Variants in DSCAM observed in about 807,000 individuals in gnomAD.
DSCAM encodes the protein cell adhesion molecule DSCAM.
A neutral mutation model predicts 217.7 loss-of-function variants in DSCAM; 47 were observed. The ratio of observed to expected loss-of-function variants is 0.22; its 90% CI spans 0.17 to 0.28. DSCAM has a LOEUF of 0.28. Ranked by LOEUF, DSCAM falls within the 10% of genes least tolerant of loss-of-function variation. The probability of loss-of-function intolerance (pLI) is 1.00; values close to 1 mark genes in which losing one functional copy is unlikely to be tolerated. For synonymous variants in DSCAM, 1,056 were observed against 1,015.3 expected, an observed-to-expected ratio of 1.04 and a Z score of -0.76; for missense variants, 2,080 against 2,618.3, an observed-to-expected ratio of 0.79 and a Z score of 4.49.
chr21:40,409,200 G>A (rs1230290951), intron 3 of DSCAM, among the ~76,000 whole-genome samples: 1 of 152,150 alleles, frequency 6.6e-6, no homozygotes, highest in Non-Finnish European at 1.5e-5. Context: ...GCATTAAAAA[G>A]TTCCATTAGA....
intron 4 of DSCAM, among the ~76,000 whole-genome samples, chr21:40,359,855 T>C (rs896377962): frequency 2.6e-5 from 4 of 152,130 alleles, no homozygotes; most frequent in Non-Finnish European, 5.9e-5. Context: ...TATTCTAAAA[T>C]TAAATTGGCG....
intron 1 of DSCAM, among the ~76,000 whole-genome samples, chr21:40,754,745 C>G (rs1038584843): frequency 6.6e-6 from 1 of 152,226 alleles, no homozygotes; most frequent in Admixed American, 6.5e-5. Flanking sequence ...CAGGCACCAA[C>G]AGCACCTGCA....
chr21:40,448,662 C>T (rs184819383), intron 3 of DSCAM, among the ~76,000 whole-genome samples: 2 of 152,172 alleles, frequency 1.3e-5, no homozygotes, highest in Admixed American at 1.3e-4. Flanking sequence ...TCTACTTTAT[C>T]TAATCTTCTA....
At chr21:40,348,825 A>T (rs1283233767) in intron 5 of DSCAM, among the ~76,000 whole-genome samples, 1 of 152,102 alleles carries the variant, frequency 6.6e-6, no homozygotes, top group Non-Finnish European at 1.5e-5. Context: ...CTCTGTGAGG[A>T]TGTTGATATA....
chr21:40,388,976 A>G (rs926958457), intron 3 of DSCAM, among the ~76,000 whole-genome samples: 1 of 152,168 alleles, frequency 6.6e-6, no homozygotes, highest in Non-Finnish European at 1.5e-5. Context: ...ACCCTGTGCC[A>G]TTTAGAAATG....
chr21:40,366,712 GA>G (rs1314822135), intron 4 of DSCAM, among the ~76,000 whole-genome samples: 7 of 152,150 alleles, frequency 4.6e-5, no homozygotes, highest in Admixed American at 3.9e-4. Context: ...TTAATTAGGA[GA>G]AGGTTCCTGC....
chr21:40,757,184 C>T (rs966369732), intron 1 of DSCAM, among the ~76,000 whole-genome samples: 5 of 152,032 alleles, frequency 3.3e-5, no homozygotes, highest in South Asian at 2.1e-4. Flanking sequence ...CCACCAAGCC[C>T]GGCTAATTTT....
At chr21:40,277,632 ATTT>A (rs563319395) in intron 10 of DSCAM, among the ~76,000 whole-genome samples, 1 of 137,198 alleles carries the variant, frequency 7.3e-6, no homozygotes, top group Non-Finnish European at 1.6e-5. Flanking sequence ...GACAACCTGA[ATTT>A]TTTTTTTTTT....
intron 1 of DSCAM, among the ~76,000 whole-genome samples, chr21:40,762,035 A>G (rs1484562169): frequency 6.6e-6 from 1 of 152,190 alleles, no homozygotes; most frequent in African/African-American, 2.4e-5. Context: ...ACACCCTAAC[A>G]TCACAGTTAA....
At chr21:40,428,861 T>G (rs1416772887) in intron 3 of DSCAM, among the ~76,000 whole-genome samples, 1 of 150,614 alleles carries the variant, frequency 6.6e-6, no homozygotes, top group Non-Finnish European at 1.5e-5. Flanking sequence ...CACACACCAT[T>G]TCATGTGACT....
chr21:40,188,985 A>G, intron 12 of DSCAM, 57 bp downstream of exon 12: 1 of 1,560,790 alleles, frequency 6.4e-7, no homozygotes, highest in Non-Finnish European at 8.8e-7. Context: ...TGTGAAAGGA[A>G]AGACTTATTC....
intron 1 of DSCAM, among the ~76,000 whole-genome samples, chr21:40,757,461 C>G (rs910094786): frequency 6.6e-6 from 1 of 152,208 alleles, no homozygotes; most frequent in Non-Finnish European, 1.5e-5. Context: ...GACTTGGCTG[C>G]TCCCCTGACT....
At chr21:40,355,221 G>A (rs1371671997) in intron 4 of DSCAM, among the ~76,000 whole-genome samples, 3 of 152,166 alleles carry the variant, frequency 2.0e-5, no homozygotes, top group Non-Finnish European at 4.4e-5. Context: ...GCAGCCAGGA[G>A]GACTCAAGAT....
chr21:40,215,112 G>A lies in DSCAM; in HGVS notation c.2357-25874C>T, dbSNP rs1353448407. 3.6e-3 allele frequency among the ~76,000 whole-genome samples: 321 copies of A among 87,972 alleles called. 102 individuals carry two copies. Among genetic ancestry groups the A allele is most frequent in the South Asian group, 9.9e-3 (24 of 2,424 alleles). The allele number at this position is 87,972 out of a possible 152,430, so 57.7% of individuals were successfully genotyped here. A position where few individuals can be genotyped will look rare whatever the true frequency, so the allele number is the denominator to read the frequency against. Reference sequence around the variant, plus strand: ...CGGGCGCCTGTAGTCCCAGCTACTCGGGAGGCTGAGGCAGGAGAATGGCGT... The same window carrying A: ...CGGGCGCCTGTAGTCCCAGCTACTCAGGAGGCTGAGGCAGGAGAATGGCGT... On this transcript the variant is annotated intron_variant, in intron 11 of 32. Coordinates refer to ENST00000400454, the MANE Select transcript of DSCAM (RefSeq NM_001389.5).
chr21:40,268,245 G>A (rs192035748), intron 11 of DSCAM, among the ~76,000 whole-genome samples: 38 of 152,308 alleles, frequency 2.5e-4, no homozygotes, highest in Non-Finnish European at 5.3e-4. Flanking sequence ...TTCAGAGCAC[G>A]CAGGATGTAG....
chr21:40,487,326 T>TGTGA (rs1491572961), intron 3 of DSCAM, among the ~76,000 whole-genome samples: 11 of 72,788 alleles, frequency 1.5e-4, no homozygotes, highest in African/African-American at 2.2e-4. Context: ...TGTGTGTGTG[T>TGTGA]GAGAGAGAGA....
At chr21:40,759,701 T>G (rs1485884832) in intron 1 of DSCAM, among the ~76,000 whole-genome samples, 1 of 152,124 alleles carries the variant, frequency 6.6e-6, no homozygotes, top group Non-Finnish European at 1.5e-5. Flanking sequence ...CTGGCTTCAG[T>G]CCAGGACTTC....
chr21:40,539,462 C>T (rs1350515394), intron 3 of DSCAM, among the ~76,000 whole-genome samples: 1 of 151,304 alleles, frequency 6.6e-6, no homozygotes, highest in African/African-American at 2.4e-5. Flanking sequence ...TGTCACTGCA[C>T]TCCAGCCTGG....
intron 27 of DSCAM, among the ~76,000 whole-genome samples, chr21:40,072,496 G>A (rs1009102936): frequency 7.2e-5 from 11 of 151,860 alleles, no homozygotes; most frequent in African/African-American, 2.2e-4. Context: ...ACAGGCGCCC[G>A]CCACCACCCC....
Sources: allele counts gnomAD v4.1 joint callset (sites outside exome capture counted in the v4.1 genomes callset), GRCh38; gene constraint gnomAD v4.1.1; transcripts MANE v1.5; gene names NCBI Gene and HGNC (gene_info 2026-07-23, HGNC 2026-07-21).